PRELID2: variants seen among roughly 807,000 people sequenced by gnomAD.
PRELID2 encodes the protein PRELI domain-containing protein 2.
In PRELID2, 25 loss-of-function variants were observed where a neutral mutation model predicts 28.4. That is an observed-to-expected ratio of 0.88 (90% CI 0.64 to 1.23). The LOEUF (loss-of-function observed/expected upper bound fraction) is 1.23, where lower values mean the gene tolerates loss of function less well. PRELID2 is among the 50% of genes most tolerant of loss of function. The pLI is 0.00. For synonymous variants in PRELID2, 76 were observed against 71.6 expected (o/e 1.06, Z -0.31); for missense variants, 201 against 214.4 (o/e 0.94, Z 0.39).
intron 1 of PRELID2, among the ~76,000 whole-genome samples, chr5:145,689,512 A>G (rs552263338): frequency 1.3e-5 from 2 of 152,336 alleles, no homozygotes; most frequent in Admixed American, 6.5e-5. Context: ...GCAGAGTTCC[A>G]GCCCCAGTAT....
At chr5:145,567,343 A>AT (rs1554076596) in intron 1 of PRELID2, among the ~76,000 whole-genome samples, 1 of 146,208 alleles carries the variant, frequency 6.8e-6, no homozygotes, top group African/African-American at 2.6e-5. Flanking sequence ...ATGAGATCTG[A>AT]TGGTTTGGTT....
intron 1 of PRELID2, among the ~76,000 whole-genome samples, chr5:145,540,635 G>A (rs1424817197): frequency 1.4e-5 from 2 of 147,616 alleles, no homozygotes; most frequent in African/African-American, 5.0e-5. Context: ...CACCAGCCAA[G>A]CCCCAAATAT....
At chr5:145,363,962 T>A in the PRELID2 span, among the ~76,000 whole-genome samples, 1 of 152,048 alleles carries the variant, frequency 6.6e-6, no homozygotes, top group Non-Finnish European at 1.5e-5. Context: ...CTTTGGCTGA[T>A]TGTACGCTAT....
chr5:145,652,786 C>G (rs1581029362), intron 1 of PRELID2, among the ~76,000 whole-genome samples: 2 of 152,320 alleles, frequency 1.3e-5, no homozygotes, highest in South Asian at 4.1e-4. Flanking sequence ...GTACCAGCCA[C>G]TGCAAAAACA....
intron 1 of PRELID2, among the ~76,000 whole-genome samples, chr5:145,731,133 A>G (rs1303584379): frequency 1.3e-5 from 2 of 152,206 alleles, no homozygotes; most frequent in East Asian, 1.9e-4. Flanking sequence ...TAACTCTTAC[A>G]TGTTCTACAT....
At chr5:145,456,356 G>A in the PRELID2 span, among the ~76,000 whole-genome samples, 1 of 152,186 alleles carries the variant, frequency 6.6e-6, no homozygotes, top group Admixed American at 6.5e-5. Context: ...GACGCCTATA[G>A]TCTTCTTGCT....
the PRELID2 span, among the ~76,000 whole-genome samples, chr5:145,409,835 A>C: frequency 6.6e-6 from 1 of 152,146 alleles, no homozygotes; most frequent in Non-Finnish European, 1.5e-5. Context: ...GAAACCAAAA[A>C]AGTGCCTGCA....
At chr5:145,380,042 G>A in the PRELID2 span, among the ~76,000 whole-genome samples, 1 of 152,168 alleles carries the variant, frequency 6.6e-6, no homozygotes, top group Non-Finnish European at 1.5e-5. Flanking sequence ...TTCTGGCCAT[G>A]GTCTGCTATG....
intron 5 of PRELID2, among the ~76,000 whole-genome samples, chr5:145,779,566 T>C (rs1758650860): frequency 1.9e-5 from 1 of 51,972 alleles, no homozygotes; most frequent in South Asian, 6.7e-4. Flanking sequence ...GAAATGAAAT[T>C]GTACTAACAC....
chr5:145,569,965 G>C (rs1324136349), intron 1 of PRELID2, among the ~76,000 whole-genome samples: 3 of 152,148 alleles, frequency 2.0e-5, no homozygotes, highest in African/African-American at 7.2e-5. Context: ...ATTCTGAAGG[G>C]GAGGAGTCTG....
downstream of PRELID2, among the ~76,000 whole-genome samples, chr5:145,471,517 C>T (rs1752054002): frequency 1.3e-5 from 2 of 152,062 alleles, no homozygotes; most frequent in South Asian, 2.1e-4. Flanking sequence ...ACTCAGTTGT[C>T]ATAACTACTA....
intron 1 of PRELID2, among the ~76,000 whole-genome samples, chr5:145,518,125 G>A (rs1719165133): frequency 7.3e-6 from 1 of 136,222 alleles, no homozygotes; most frequent in African/African-American, 2.8e-5. Context: ...ATGTGTCCCA[G>A]AACTTGAAGT....
chr5:145,467,300 G>T (rs1752011085), downstream of PRELID2, among the ~76,000 whole-genome samples: 2 of 152,052 alleles, frequency 1.3e-5, no homozygotes, highest in African/African-American at 4.8e-5. Flanking sequence ...AATTCCCAGT[G>T]CTCTGGCACC....
At chr5:145,685,938 A>T (rs1755029479) in intron 1 of PRELID2, among the ~76,000 whole-genome samples, 1 of 152,080 alleles carries the variant, frequency 6.6e-6, no homozygotes, top group Admixed American at 6.5e-5. Flanking sequence ...AAGCTGCTTG[A>T]CTTCTCTGTT....
At chr5:145,242,197 C>T in the PRELID2 span, among the ~76,000 whole-genome samples, 3 of 149,266 alleles carry the variant, frequency 2.0e-5, no homozygotes, top group African/African-American at 7.7e-5. Context: ...ATTTTATGAG[C>T]TTTCAAGCAA....
At chr5:145,600,434 A>AAAAAATATATATATATATAT (rs1315631607) in intron 1 of PRELID2, among the ~76,000 whole-genome samples, 6 of 120,114 alleles carry the variant, frequency 5.0e-5, no homozygotes, top group African/African-American at 2.4e-4. Context: ...AAAAAAAAAA[A>AAAAAATATATATATATATAT]ATATATATAT....
intron 1 of PRELID2, among the ~76,000 whole-genome samples, chr5:145,474,784 T>G (rs1360587280): frequency 1.4e-4 from 21 of 152,120 alleles, no homozygotes; most frequent in Admixed American, 1.3e-3. Flanking sequence ...AGTAACTTAG[T>G]AAAAAGTACA....
At chr5:145,588,376 G>A (rs17478397) in intron 1 of PRELID2, among the ~76,000 whole-genome samples, 3,615 of 152,088 alleles carry the variant, frequency 0.024, 70 homozygotes, top group Non-Finnish European at 0.038. Context: ...TATGCCAAAA[G>A]CCCTACCTTT....
chr5:145,439,890 AC>A, the PRELID2 span, among the ~76,000 whole-genome samples: 3 of 152,082 alleles, frequency 2.0e-5, no homozygotes, highest in Non-Finnish European at 2.9e-5. Context: ...CCAAAACAAA[AC>A]AAACACAACA....
Sources: allele counts gnomAD v4.1 joint callset (sites outside exome capture counted in the v4.1 genomes callset), GRCh38; gene constraint gnomAD v4.1.1; transcripts MANE v1.5; gene names NCBI Gene and HGNC (gene_info 2026-07-23, HGNC 2026-07-21).